The following COX10 variants were observed in gnomAD, a reference collection of about 807,000 sequenced individuals.
COX10 encodes protoheme IX farnesyltransferase, mitochondrial.
A neutral mutation model predicts 37.3 loss-of-function variants in COX10; 27 were observed. That is an observed-to-expected ratio of 0.72 (90% CI 0.53 to 1.00). COX10 has a LOEUF of 1.00. Ranked by LOEUF, COX10 falls within the 50% of genes least tolerant of loss-of-function variation. The probability of loss-of-function intolerance (pLI) is 0.00; values close to 1 mark genes in which losing one functional copy is unlikely to be tolerated. For missense variants in COX10, 475 were observed against 563.2 expected (o/e 0.84, Z 1.59); for synonymous variants, 222 against 229.1 (o/e 0.97, Z 0.28).
intron 5 of COX10, among the ~76,000 whole-genome samples, chr17:14,170,183 T>C (rs2142247219): frequency 6.6e-6 from 1 of 152,296 alleles, no homozygotes; most frequent in South Asian, 2.1e-4. Context: ...CAAGTATTGT[T>C]TTATAGCAAC....
Position 14,076,751 on chromosome 17 carries a change from A to G in COX10, c.194A>G (p.Asn65Ser), listed in dbSNP as rs1915160475. The change falls in exon 3 of 7, where the codon AAC becomes AGC. Residue 65 changes from asparagine to serine, a missense_variant. Asn to Ser is a conservative substitution (Grantham distance 46). Transcript: ENST00000261643. ...TTTGTTTAGTATGTCACACAGCTGA[A>G]CAGAAGCCACAACCAGCAAGTAAGA... ...FLKRMYVTQL[N>S]RSHNQQVRPK... is the part of the protein sequence containing the mutation. 23 of 1,614,176 alleles carry G rather than the reference A, an allele frequency of 1.4e-5. No homozygotes were observed. The highest frequency in any genetic ancestry group is 1.9e-5 in the Non-Finnish European group (23 of 1,180,030).
At chr17:14,134,581 C>G (rs1240415463) in intron 4 of COX10, among the ~76,000 whole-genome samples, 1 of 151,742 alleles carries the variant, frequency 6.6e-6, no homozygotes, top group Non-Finnish European at 1.5e-5. Context: ...CAAAAAGGGA[C>G]AGCAAGCACA....
chr17:14,112,104 A>C (rs935732239), intron 4 of COX10, among the ~76,000 whole-genome samples: 4 of 152,152 alleles, frequency 2.6e-5, no homozygotes, highest in African/African-American at 9.7e-5. Flanking sequence ...TTTCCACAAG[A>C]GGAAAAATAG....
chr17:14,108,067 T>C (rs1232312998), intron 4 of COX10, among the ~76,000 whole-genome samples: 1 of 152,216 alleles, frequency 6.6e-6, no homozygotes, highest in African/African-American at 2.4e-5. Flanking sequence ...TTATATCTCT[T>C]TCCTAGAGAA....
intron 3 of COX10, among the ~76,000 whole-genome samples, chr17:14,101,802 G>A (rs184660347): frequency 2.5e-4 from 38 of 152,294 alleles, no homozygotes; most frequent in African/African-American, 7.7e-4. Context: ...CTGGCAGTGC[G>A]TACTGATTAC....
chr17:14,130,432 A>C (rs1406487466), intron 4 of COX10, among the ~76,000 whole-genome samples: 1 of 152,146 alleles, frequency 6.6e-6, no homozygotes, highest in Non-Finnish European at 1.5e-5. Context: ...TACAAATAAT[A>C]CATATAATAA....
chr17:14,147,085 T>C (rs1377647447), intron 4 of COX10, among the ~76,000 whole-genome samples: 1 of 152,180 alleles, frequency 6.6e-6, no homozygotes, highest in Non-Finnish European at 1.5e-5. Flanking sequence ...GAGAACAGTT[T>C]GGAGGTTCCT....
chr17:14,174,979 G>A (rs1422188888), intron 5 of COX10, among the ~76,000 whole-genome samples: 1 of 97,948 alleles, frequency 1.0e-5, no homozygotes, highest in Non-Finnish European at 2.3e-5. Context: ...TTAAGTGAAA[G>A]AAGACAGAGA....
intron 6 of COX10, among the ~76,000 whole-genome samples, chr17:14,194,092 CAG>C (rs1186188533): frequency 2.6e-5 from 4 of 151,790 alleles, no homozygotes; most frequent in African/African-American, 7.3e-5. Flanking sequence ...CAGACAGGGC[CAG>C]AGTCAGGGCC....
intron 5 of COX10, among the ~76,000 whole-genome samples, chr17:14,183,513 C>T (rs1309561674): frequency 6.6e-6 from 1 of 152,132 alleles, no homozygotes; most frequent in Non-Finnish European, 1.5e-5. Flanking sequence ...AATAAAAGGC[C>T]ATTACAGCTA....
chr17:14,132,073 A>G (rs563697746), intron 4 of COX10, among the ~76,000 whole-genome samples: 1 of 152,024 alleles, frequency 6.6e-6, no homozygotes, highest in South Asian at 2.1e-4. Context: ...TAATATTCTT[A>G]TATCCTATGT....
At chr17:14,078,542 TC>T (rs899488016) in intron 3 of COX10, among the ~76,000 whole-genome samples, 2 of 152,160 alleles carry the variant, frequency 1.3e-5, no homozygotes, top group African/African-American at 4.8e-5. Context: ...ACCAGCAGAA[TC>T]TTTTGTAAGC....
At chr17:14,154,303 T>C (rs1255686647) in intron 4 of COX10, among the ~76,000 whole-genome samples, 2 of 152,244 alleles carry the variant, frequency 1.3e-5, no homozygotes, top group Non-Finnish European at 2.9e-5. Flanking sequence ...AATGAAGTTA[T>C]GACTGTTAAA....
At chr17:14,131,694 C>A (rs993402085) in intron 4 of COX10, among the ~76,000 whole-genome samples, 2 of 151,868 alleles carry the variant, frequency 1.3e-5, no homozygotes, top group Admixed American at 1.3e-4. Flanking sequence ...ACACATTTTC[C>A]CCTTCAAATA....
intron 3 of COX10, among the ~76,000 whole-genome samples, chr17:14,093,436 TA>T (rs895673523): frequency 6.6e-6 from 1 of 150,988 alleles, no homozygotes; most frequent in African/African-American, 2.4e-5. Flanking sequence ...TAGTGGGACT[TA>T]AAAAAAAACA....
At chr17:14,167,768 T>C (rs1905333397) in intron 5 of COX10, among the ~76,000 whole-genome samples, 1 of 152,134 alleles carries the variant, frequency 6.6e-6, no homozygotes, top group Admixed American at 6.5e-5. Context: ...GAGAACAGCA[T>C]AGGGGAAACC....
At chr17:14,075,184 C>G (rs552524077) in intron 2 of COX10, among the ~76,000 whole-genome samples, 1 of 152,052 alleles carries the variant, frequency 6.6e-6, no homozygotes, top group South Asian at 2.1e-4. Context: ...TAATAAAACT[C>G]GATATGTTGA....
chr17:14,118,809 AG>A (rs1283520287), intron 4 of COX10, among the ~76,000 whole-genome samples: 11 of 150,748 alleles, frequency 7.3e-5, no homozygotes, highest in African/African-American at 2.7e-4. Context: ...TAGATTTTTT[AG>A]TTTCTTTAAA....
chr17:14,202,092 CTTT>C (rs369469313), intron 6 of COX10, among the ~76,000 whole-genome samples: 14 of 145,730 alleles, frequency 9.6e-5, no homozygotes, highest in Admixed American at 6.8e-5. Flanking sequence ...AGATCTCTCT[CTTT>C]TTTTTTTTTT....
Sources: gnomAD v4.1 joint callset for allele counts (sites outside exome capture counted in the v4.1 genomes callset) on GRCh38, gnomAD v4.1.1 for gene constraint, MANE v1.5 for transcripts, NCBI Gene and HGNC (gene_info 2026-07-23, HGNC 2026-07-21) for gene names.